The following DIP2B variants were observed in gnomAD, a reference collection of about 807,000 sequenced individuals.
DIP2B encodes the protein DIP2 acetate--CoA ligase B (putative), also known as disco-interacting protein 2 homolog B.
Under a neutral mutation model 198.0 loss-of-function variants are expected in DIP2B, and 76 were observed. The ratio of observed to expected loss-of-function variants is 0.38; its 90% CI spans 0.32 to 0.46. The LOEUF is 0.46. DIP2B is among the 20% of genes least tolerant of loss of function. DIP2B has a pLI of 0.99. For synonymous variants in DIP2B, 701 were observed against 739.1 expected (o/e 0.95, Z 0.84); for missense variants, 1,559 against 1,978.4 (o/e 0.79, Z 4.02).
chr12:50,619,180 A>G (rs917115991), intron 1 of DIP2B, among the ~76,000 whole-genome samples: 2 of 152,160 alleles, frequency 1.3e-5, no homozygotes, highest in African/African-American at 4.8e-5. Flanking sequence ...ACTGCTCCCG[A>G]TAGAAAAAGT....
At chr12:50,507,994 T>G (rs1957983186) in intron 1 of DIP2B, among the ~76,000 whole-genome samples, 2 of 152,318 alleles carry the variant, frequency 1.3e-5, no homozygotes, top group South Asian at 4.1e-4. Flanking sequence ...AGAATTTTCT[T>G]TGTGCTTGCC....
At chr12:50,560,166 G>C (rs529431490) in intron 1 of DIP2B, among the ~76,000 whole-genome samples, 1 of 151,156 alleles carries the variant, frequency 6.6e-6, no homozygotes, top group East Asian at 2.0e-4. Flanking sequence ...AGGCTGAGGC[G>C]GGTGGATCAC....
In DIP2B at chr12:50,608,880, G is replaced by A. The variant is rs375046770; in HGVS notation, c.101-17096G>A. On this transcript the variant is annotated intron_variant, in intron 1 of 37. Transcript: ENST00000301180. ...TTATTAGCCGGGCATGGTGGCTCAC[G>A]CCTGTAATCCCAGCACTTTGGGAGG... is the stretch of plus-strand genomic sequence containing the variant. Among the ~76,000 whole-genome samples, 12 of 152,096 alleles carry A rather than the reference G, an allele frequency of 7.9e-5. No homozygotes were observed. In the East Asian group the frequency reaches 2.3e-3, roughly 30 times the overall value.
intron 1 of DIP2B, among the ~76,000 whole-genome samples, chr12:50,533,668 G>A (rs1439197645): frequency 1.3e-5 from 2 of 151,588 alleles, no homozygotes; most frequent in African/African-American, 4.9e-5. Context: ...GAGTGCCGTG[G>A]TGTGATCACA....
rs774090183 is a variant in DIP2B, at chr12:50,723,209, G to A, written c.3174G>A (p.Glu1058=). 9.3e-6 allele frequency: 15 copies of A among 1,613,990 alleles called. No homozygotes were observed. The highest frequency in any genetic ancestry group is 1.3e-5 in the African/African-American group (1 of 74,914). Residue 1058 remains glutamate, a synonymous_variant, in exon 27 of 38, where the codon GAG becomes GAA. Transcript: ENST00000301180. ...NVVLLYPPGI[E]LIAAFYGCLY... The stretch of plus-strand genomic sequence containing the variant: ...GGGTCCTTTGTCTTGCAGGCATTGA[G>A]TTAATCGCCGCCTTCTATGGCTGCC...
chr12:50,635,816 A>G (rs1268995757), intron 2 of DIP2B, among the ~76,000 whole-genome samples: 1 of 152,240 alleles, frequency 6.6e-6, no homozygotes, highest in Non-Finnish European at 1.5e-5. Flanking sequence ...GAGATACACA[A>G]ATAAGCAGGA....
chr12:50,535,016 C>T (rs1472554833), intron 1 of DIP2B, among the ~76,000 whole-genome samples: 1 of 151,968 alleles, frequency 6.6e-6, no homozygotes, highest in Non-Finnish European at 1.5e-5. Context: ...GTCATTTGAG[C>T]TCGGGAGTTT....
intron 4 of DIP2B, among the ~76,000 whole-genome samples, chr12:50,667,169 C>T (rs1938769758): frequency 6.6e-6 from 1 of 152,096 alleles, no homozygotes; most frequent in African/African-American, 2.4e-5. Context: ...TGCGCCCGGC[C>T]AACATGCTAA....
At chr12:50,715,381 A>G (rs1939695627) in intron 23 of DIP2B, among the ~76,000 whole-genome samples, 1 of 151,570 alleles carries the variant, frequency 6.6e-6, no homozygotes. Context: ...GAGCTGTTCC[A>G]TGTGTCTCCT....
At chr12:50,515,702 C>T (rs928424223) in intron 1 of DIP2B, among the ~76,000 whole-genome samples, 6 of 152,168 alleles carry the variant, frequency 3.9e-5, no homozygotes, top group Admixed American at 1.3e-4. Context: ...ACTTTACATA[C>T]AGAGATAAGT....
chr12:50,539,067 C>T (rs1374647310), intron 1 of DIP2B, among the ~76,000 whole-genome samples: 1 of 152,128 alleles, frequency 6.6e-6, no homozygotes, highest in Non-Finnish European at 1.5e-5. Flanking sequence ...TCAAAAACGT[C>T]TTTGTCTCAT....
chr12:50,506,034 TA>T (rs543793410), intron 1 of DIP2B, among the ~76,000 whole-genome samples: 717 of 143,058 alleles, frequency 5.0e-3, no homozygotes, highest in Admixed American at 9.3e-3. Context: ...TTTTCAGAAT[TA>T]AAAAAAAAAA....
chr12:50,538,996 T>G (rs900805169), intron 1 of DIP2B, among the ~76,000 whole-genome samples: 1 of 152,196 alleles, frequency 6.6e-6, no homozygotes, highest in Non-Finnish European at 1.5e-5. Context: ...TTTTAAAAAC[T>G]TGGAATAGTT....
At chr12:50,609,404 T>C (rs1384100192) in intron 1 of DIP2B, among the ~76,000 whole-genome samples, 1 of 152,230 alleles carries the variant, frequency 6.6e-6, no homozygotes, top group Non-Finnish European at 1.5e-5. Context: ...AGTTTATTTC[T>C]AGGTCATGCC....
intron 1 of DIP2B, among the ~76,000 whole-genome samples, chr12:50,580,671 AT>A (rs1312296901): frequency 6.8e-6 from 1 of 147,516 alleles, no homozygotes; most frequent in African/African-American, 2.5e-5. Context: ...AACTGAGGCA[AT>A]TTTGCACCCC....
At chr12:50,711,456 T>C (rs1484456197) in intron 22 of DIP2B, among the ~76,000 whole-genome samples, 2 of 152,246 alleles carry the variant, frequency 1.3e-5, no homozygotes, top group African/African-American at 4.8e-5. Context: ...TTAGGAACTC[T>C]GCCAGACTTT....
At position 50,537,114 on chromosome 12, in the gene DIP2B, A is replaced by ATTTTTTTT. The variant is rs34202995; in HGVS notation, c.100+31894_100+31901dup. Among the ~76,000 whole-genome samples, 67 of 32,224 alleles carry ATTTTTTTT rather than the reference A, an allele frequency of 2.1e-3. 18 individuals carry two copies. The highest frequency in any genetic ancestry group is 0.013 in the East Asian group (6 of 468). The allele number at this position is 32,224 out of a possible 152,430, so 21.1% of individuals were successfully genotyped here. A position where few individuals can be genotyped will look rare whatever the true frequency, so the allele number is the denominator to read the frequency against. ...CAGATTGCTTGTTTATTATTCTCTA[A>ATTTTTTTT]TTTTTTTTTTTTTTTTTTTTTTTTT... On this transcript the variant is annotated intron_variant, in intron 1 of 37. Transcript: ENST00000301180.
At chr12:50,712,808 T>G (rs1252486618) in intron 22 of DIP2B, among the ~76,000 whole-genome samples, 1 of 152,272 alleles carries the variant, frequency 6.6e-6, no homozygotes, top group East Asian at 1.9e-4. Flanking sequence ...CTCCGGAGAC[T>G]GAGGCAGGAG....
At chr12:50,642,795 AAAC>A (rs1305705899) in intron 3 of DIP2B, among the ~76,000 whole-genome samples, 5 of 152,354 alleles carry the variant, frequency 3.3e-5, no homozygotes, top group African/African-American at 9.6e-5. Flanking sequence ...TCTCAAAAAA[AAAC>A]AACAACACAT....
Sources: allele counts gnomAD v4.1 joint callset (sites outside exome capture counted in the v4.1 genomes callset), GRCh38; gene constraint gnomAD v4.1.1; transcripts MANE v1.5; gene names NCBI Gene and HGNC (gene_info 2026-07-23, HGNC 2026-07-21).